Variants in GALNT11 observed in about 807,000 individuals in gnomAD.
The protein encoded by GALNT11 is UDP-GalNAc:polypeptide N-acetylgalactosaminyltransferase 11.
Under a neutral mutation model 72.7 loss-of-function variants are expected in GALNT11, and 47 were observed. The ratio of observed to expected loss-of-function variants is 0.65; its 90% CI spans 0.51 to 0.82. GALNT11 has a LOEUF of 0.82. Ranked by LOEUF, GALNT11 falls within the 40% of genes least tolerant of loss-of-function variation. The pLI is 0.00. For synonymous variants in GALNT11, 270 were observed against 286.6 expected (o/e 0.94, Z 0.58); for missense variants, 677 against 778.4 (o/e 0.87, Z 1.55).
At chr7:152,037,551 C>T (rs901774473) in intron 1 of GALNT11, among the ~76,000 whole-genome samples, 2 of 152,026 alleles carry the variant, frequency 1.3e-5, no homozygotes, top group Admixed American at 6.6e-5. Context: ...TGTTTTTGCT[C>T]AGATAGCATA....
At chr7:152,093,728 CAGAGTTGCTT>C in intron 1 of GALNT11, among the ~76,000 whole-genome samples, 1 of 152,100 alleles carries the variant, frequency 6.6e-6, no homozygotes, top group Non-Finnish European at 1.5e-5. Context: ...CACACCTGGC[CAGAGTTGCTT>C]AGAGTTGCTT....
chr7:152,051,840 A>G (rs1402019457), intron 1 of GALNT11, among the ~76,000 whole-genome samples: 1 of 152,220 alleles, frequency 6.6e-6, no homozygotes, highest in Non-Finnish European at 1.5e-5. Flanking sequence ...TCACTCTGAC[A>G]ATTTCTTTGC....
At chr7:152,070,393 A>G (rs1337053670) in intron 1 of GALNT11, among the ~76,000 whole-genome samples, 2 of 152,134 alleles carry the variant, frequency 1.3e-5, no homozygotes, top group African/African-American at 4.8e-5. Flanking sequence ...CTTATCACAC[A>G]GTTCTGGAAG....
At chr7:152,069,573 CAT>C (rs942552364) in intron 1 of GALNT11, among the ~76,000 whole-genome samples, 17 of 152,296 alleles carry the variant, frequency 1.1e-4, no homozygotes, top group African/African-American at 4.1e-4. Flanking sequence ...AGTTTTGCCT[CAT>C]GTATTATGAT....
chr7:152,072,130 G>A (rs983533572), intron 1 of GALNT11, among the ~76,000 whole-genome samples: 11 of 151,532 alleles, frequency 7.3e-5, no homozygotes, highest in Non-Finnish European at 1.6e-4. Context: ...GACCAGCCTG[G>A]CCAACATGAT....
rs370953110 is a variant in GALNT11, at chr7:152,108,122, G to A, written c.797G>A (p.Arg266Gln). 6.1e-5 allele frequency: 98 copies of A among 1,613,948 alleles called. No individual in the cohort carries two copies. Among genetic ancestry groups the A allele is most frequent in the Non-Finnish European group, 7.6e-5 (90 of 1,180,026 alleles). Reference protein sequence around the residue: ...QPLLAAIREDRHTVVCPVIDI... With the variant: ...QPLLAAIREDQHTVVCPVIDI... ...TTGCTGGCCGCCATCCGTGAGGACCGGCACACCGTGGTGTGCCCAGTGATT... is the reference window on the plus strand; with the variant it reads ...TTGCTGGCCGCCATCCGTGAGGACCAGCACACCGTGGTGTGCCCAGTGATT... The change falls in exon 6 of 12, where the codon CGG becomes CAG. Residue 266 changes from arginine to glutamine, a missense_variant. Coordinates refer to ENST00000430044, the MANE Select transcript of GALNT11 (RefSeq NM_022087.4).
chr7:152,042,483 G>T (rs545423771), intron 1 of GALNT11, among the ~76,000 whole-genome samples: 2 of 152,084 alleles, frequency 1.3e-5, no homozygotes, highest in Non-Finnish European at 2.9e-5. Context: ...TTTACTCAGC[G>T]GCCATTGTTC....
At chr7:152,057,208 A>C (rs1026706431) in intron 1 of GALNT11, among the ~76,000 whole-genome samples, 4 of 151,324 alleles carry the variant, frequency 2.6e-5, no homozygotes, top group Non-Finnish European at 5.9e-5. Flanking sequence ...GACATGAAGA[A>C]AGTAATAGAT....
intron 1 of GALNT11, among the ~76,000 whole-genome samples, chr7:152,092,230 C>A (rs1057006093): frequency 1.3e-5 from 2 of 152,134 alleles, no homozygotes; most frequent in Non-Finnish European, 2.9e-5. Flanking sequence ...TGTCTGTTTC[C>A]CCTAAATGTC....
intron 4 of GALNT11, 71 bp from the exon 5 acceptor site, chr7:152,105,174 T>A: frequency 6.6e-7 from 1 of 1,513,342 alleles, no homozygotes; most frequent in Non-Finnish European, 8.9e-7. Context: ...TAGATACAAC[T>A]TTAGAATAGC....
Position 152,110,592 on chromosome 7 carries a change from T to C in GALNT11, c.1027T>C (p.Tyr343His). The change falls in exon 7 of 12, where the codon TAT becomes CAT. Residue 343 changes from tyrosine (Y) to histidine (H), a missense_variant. Coordinates refer to ENST00000430044, the MANE Select transcript of GALNT11 (RefSeq NM_022087.4). Reference protein sequence around the residue: ...NRQYFHELGQYDSGMDIWGGE... With the variant: ...NRQYFHELGQHDSGMDIWGGE... ...ACAGTATTTCCATGAACTTGGACAG[T>C]ATGATAGTGGCATGGATATCTGGGG... 1 of 1,612,972 alleles carries C rather than the reference T, an allele frequency of 6.2e-7. No homozygotes were observed. The highest frequency in any genetic ancestry group is 8.5e-7 in the Non-Finnish European group (1 of 1,179,798).
In GALNT11 at chr7:152,099,116, A is replaced by G. The variant is rs375864095; in HGVS notation, c.296-1682A>G. On this transcript the variant is annotated intron_variant, in intron 2 of 11. Transcript: ENST00000430044. The stretch of plus-strand genomic sequence containing the variant: ...GCCACCATGCCTGGCTTATTTTTGT[A>G]TTTTTAGTAGATACGGGGTTTTACC... Among the ~76,000 whole-genome samples, 111 of 150,878 alleles carry G rather than the reference A, an allele frequency of 7.4e-4. 1 individual carries two copies. The highest frequency in any genetic ancestry group is 2.1e-3 in the African/African-American group (86 of 41,048).
At chr7:152,114,152 T>C (rs2088591633) in intron 8 of GALNT11, among the ~76,000 whole-genome samples, 1 of 152,162 alleles carries the variant, frequency 6.6e-6, no homozygotes, top group South Asian at 2.1e-4. Context: ...ACTTCCCACT[T>C]TCTCTTCTGC....
rs139892410 is a variant in GALNT11, at chr7:152,028,280, T to C, written c.-39+2396T>C. Among the ~76,000 whole-genome samples, 4 of 152,314 alleles carry C rather than the reference T, an allele frequency of 2.6e-5. No individual in the cohort carries two copies. The East Asian group carries it at 7.7e-4, about 29-fold the overall frequency. ...AGCTGATTAGTCCATTTTAGAGTGC[T>C]GATTGCTCTGTTTTACAGAGTGCTG... On this transcript the variant is annotated intron_variant, in intron 1 of 11. Coordinates refer to ENST00000430044, the MANE Select transcript of GALNT11 (RefSeq NM_022087.4).
rs550932258 is a variant in GALNT11 at position 152,103,376 on chromosome 7, T to G, written c.586+98T>G. On this transcript the variant is annotated intron_variant, in intron 4 of 11. Coordinates refer to ENST00000430044, the MANE Select transcript of GALNT11 (RefSeq NM_022087.4). Reference sequence around the variant, plus strand: ...GCTGAACTTTCAAGTACGTGGTAGGTGGGGATCCTACACGTGCAGTCACAG... The same window carrying G: ...GCTGAACTTTCAAGTACGTGGTAGGGGGGGATCCTACACGTGCAGTCACAG... 2.0e-5 allele frequency: 25 copies of G among 1,278,238 alleles called. No homozygotes were observed. In the Admixed American group the frequency reaches 4.1e-4, roughly 21 times the overall value. 79.2% of individuals were successfully genotyped at this position (1,278,238 alleles called of 1,614,324 possible).
chr7:152,060,540 T>C (rs1392951876), intron 1 of GALNT11, among the ~76,000 whole-genome samples: 1 of 152,074 alleles, frequency 6.6e-6, no homozygotes, highest in Admixed American at 6.6e-5. Context: ...GTTTGTTACA[T>C]ATGTATACAT....
chr7:152,025,902 G>A lies in GALNT11; in HGVS notation c.-39+18G>A. 4.2e-6 allele frequency: 1 copy of A among 236,350 alleles called. No homozygotes were observed. Among genetic ancestry groups the A allele is most frequent in the Non-Finnish European group, 9.2e-6 (1 of 108,244 alleles). The allele number at this position is 236,350 out of a possible 1,614,324, so 14.6% of individuals were successfully genotyped here. On this transcript the variant is annotated intron_variant, in intron 1 of 11. Transcript: ENST00000430044. ...GCAAGGCGGTGAGTACCCTCTAGGCGGCGGCCTCCCGGCGTCCCTCAGCAC... is the reference window on the plus strand; with the variant it reads ...GCAAGGCGGTGAGTACCCTCTAGGCAGCGGCCTCCCGGCGTCCCTCAGCAC...
intron 1 of GALNT11, among the ~76,000 whole-genome samples, chr7:152,026,832 G>A (rs2082039185): frequency 6.6e-6 from 1 of 152,226 alleles, no homozygotes; most frequent in Non-Finnish European, 1.5e-5. Context: ...GAAGACTCAT[G>A]TTCCCCTACA....
intron 1 of GALNT11, among the ~76,000 whole-genome samples, chr7:152,042,554 G>T (rs1275718890): frequency 5.3e-5 from 8 of 152,104 alleles, no homozygotes; most frequent in Admixed American, 2.6e-4. Context: ...GCTTAACAAT[G>T]GCCGCCATCA....
Sources: allele counts gnomAD v4.1 joint callset (sites outside exome capture counted in the v4.1 genomes callset), GRCh38; gene constraint gnomAD v4.1.1; transcripts MANE v1.5; gene names NCBI Gene and HGNC (gene_info 2026-07-23, HGNC 2026-07-21).